Variants in GOLPH3 observed in about 807,000 individuals in gnomAD.
GOLPH3 encodes golgi phosphoprotein 3.
Under a neutral mutation model 28.5 loss-of-function variants are expected in GOLPH3, and 14 were observed. The ratio of observed to expected loss-of-function variants is 0.49; its 90% CI spans 0.32 to 0.77. The LOEUF is 0.77. Among genes scored for constraint, GOLPH3 ranks in the 30% least tolerant of loss-of-function variants. The pLI is 0.03. For synonymous variants in GOLPH3, 158 were observed against 159.2 expected, an observed-to-expected ratio of 0.99 and a Z score of 0.06; for missense variants, 350 against 393.7, an observed-to-expected ratio of 0.89 and a Z score of 0.94.
intron 2 of GOLPH3, among the ~76,000 whole-genome samples, chr5:32,141,740 T>G (rs969918372): frequency 2.6e-5 from 4 of 152,194 alleles, no homozygotes; most frequent in Non-Finnish European, 2.9e-5. Context: ...TGCCTGCGAT[T>G]GCAGGCGCGC....
intron 1 of GOLPH3, among the ~76,000 whole-genome samples, chr5:32,160,116 T>C (rs2111884939): frequency 6.6e-6 from 1 of 152,308 alleles, no homozygotes; most frequent in East Asian, 1.9e-4. Context: ...GGAGGATCAC[T>C]TGAGCCCAGG....
At chr5:32,152,367 C>T (rs573692636) in intron 1 of GOLPH3, among the ~76,000 whole-genome samples, 10 of 149,888 alleles carry the variant, frequency 6.7e-5, no homozygotes, top group Non-Finnish European at 1.0e-4. Flanking sequence ...CCGCGTGATC[C>T]GCCCACCTCA....
In GOLPH3 at chr5:32,143,853, TAC is replaced by T. The variant is rs770309875; in HGVS notation, c.251_252del (p.Cys84TyrfsTer12). The T allele has an allele frequency of 3.8e-6, 6 of 1,581,708 alleles. No individual in the cohort carries two copies. The highest frequency in any genetic ancestry group is 5.1e-6 in the Non-Finnish European group (6 of 1,166,894). On this transcript the variant is annotated frameshift_variant, in exon 2 of 4. Transcript: ENST00000265070. LOFTEE classifies it high-confidence loss of function. ...REGYTSFWND[C>X]ISSGLRGCML... is the part of the protein sequence containing the mutation. ...ATACAGCCACGTAATCCAGATGATATACAGTCATTCCAAAATGATGTGTAACC... is the reference window on the plus strand; with the variant it reads ...ATACAGCCACGTAATCCAGATGATATAGTCATTCCAAAATGATGTGTAACC...
intron 1 of GOLPH3, among the ~76,000 whole-genome samples, chr5:32,172,744 T>A (rs571249856): frequency 3.3e-5 from 5 of 149,724 alleles, no homozygotes; most frequent in Non-Finnish European, 7.4e-5. Context: ...TGGTGGCGCA[T>A]GCCTGCCTCA....
At chr5:32,151,609 TGTCA>T (rs1581548909) in intron 1 of GOLPH3, among the ~76,000 whole-genome samples, 1 of 152,202 alleles carries the variant, frequency 6.6e-6, no homozygotes, top group Non-Finnish European at 1.5e-5. Flanking sequence ...AAAGATGCTT[TGTCA>T]TTCATAATAA....
At chr5:32,143,080 G>A (rs1203659128) in intron 2 of GOLPH3, among the ~76,000 whole-genome samples, 1 of 152,144 alleles carries the variant, frequency 6.6e-6, no homozygotes, top group East Asian at 1.9e-4. Flanking sequence ...GTAGACATGG[G>A]AGACTTTTCA....
intron 1 of GOLPH3, among the ~76,000 whole-genome samples, chr5:32,162,308 C>G (rs1305750188): frequency 6.7e-6 from 1 of 150,048 alleles, no homozygotes; most frequent in African/African-American, 2.5e-5. Context: ...CTGGCTAACA[C>G]GATGAAACCC....
At chr5:32,146,599 ACC>A (rs1489002290) in intron 1 of GOLPH3, among the ~76,000 whole-genome samples, 1 of 152,236 alleles carries the variant, frequency 6.6e-6, no homozygotes, top group Non-Finnish European at 1.5e-5. Flanking sequence ...CTGCCTACTT[ACC>A]CAGAAGCTTT....
chr5:32,128,996 A>C (rs1745761919), intron 3 of GOLPH3, among the ~76,000 whole-genome samples: 1 of 152,150 alleles, frequency 6.6e-6, no homozygotes, highest in Non-Finnish European at 1.5e-5. Context: ...TGGGAAGCCA[A>C]GATGGTGAAA....
chr5:32,165,897 A>G (rs975900387), intron 1 of GOLPH3, among the ~76,000 whole-genome samples: 6 of 152,254 alleles, frequency 3.9e-5, no homozygotes, highest in Non-Finnish European at 8.8e-5. Context: ...CAAATCACTT[A>G]AAATTCAACT....
intron 1 of GOLPH3, among the ~76,000 whole-genome samples, chr5:32,152,471 C>G (rs1453237478): frequency 7.0e-6 from 1 of 142,796 alleles, no homozygotes; most frequent in Admixed American, 7.1e-5. Flanking sequence ...ATCATGCTTA[C>G]CTATCAGACC....
At chr5:32,153,907 G>C (rs1335507201) in intron 1 of GOLPH3, among the ~76,000 whole-genome samples, 1 of 152,168 alleles carries the variant, frequency 6.6e-6, no homozygotes, top group Non-Finnish European at 1.5e-5. Context: ...ATGGAAAACA[G>C]GATTCCTTGA....
Position 32,166,796 on chromosome 5 carries a change from A to G in GOLPH3, c.225+7014T>C, listed in dbSNP as rs1006429715. 7.3e-5 allele frequency among the ~76,000 whole-genome samples: 11 copies of G among 151,322 alleles called. 1 individual carries two copies. The highest frequency in any genetic ancestry group is 6.6e-4 in the Admixed American group (10 of 15,174). On this transcript the variant is annotated intron_variant, in intron 1 of 3. Coordinates refer to ENST00000265070, the MANE Select transcript of GOLPH3 (RefSeq NM_022130.4). ...CACTTCAGCCCGAGTGATAAAAGCA[A>G]GACTCCATCTTAAAAAAAAAAAAAA...
intron 3 of GOLPH3, among the ~76,000 whole-genome samples, 197 bp downstream of exon 3, chr5:32,135,375 A>AT (rs1561659952): frequency 6.6e-6 from 1 of 152,242 alleles, no homozygotes; most frequent in Admixed American, 6.5e-5. Flanking sequence ...TTCGCATTCT[A>AT]TATCTGTTCA....
At chr5:32,150,912 C>T (rs891927555) in intron 1 of GOLPH3, among the ~76,000 whole-genome samples, 1 of 152,154 alleles carries the variant, frequency 6.6e-6, no homozygotes, top group Non-Finnish European at 1.5e-5. Context: ...CGTGTTGGGA[C>T]AACCAGATAG....
At chr5:32,172,922 A>C (rs965328303) in intron 1 of GOLPH3, among the ~76,000 whole-genome samples, 1 of 152,218 alleles carries the variant, frequency 6.6e-6, no homozygotes, top group Non-Finnish European at 1.5e-5. Flanking sequence ...ACGTCATAGA[A>C]TCTAGAAAGA....
At chr5:32,155,582 A>C (rs1011179172) in intron 1 of GOLPH3, among the ~76,000 whole-genome samples, 4 of 152,336 alleles carry the variant, frequency 2.6e-5, no homozygotes, top group African/African-American at 7.2e-5. Flanking sequence ...ATGACTAAAG[A>C]AAGCCCTCAG....
chr5:32,146,333 T>C (rs1746179361), intron 1 of GOLPH3, among the ~76,000 whole-genome samples: 1 of 151,374 alleles, frequency 6.6e-6, no homozygotes, highest in African/African-American at 2.4e-5. Flanking sequence ...GGTTAGTAAC[T>C]GGCAGCATCA....
intron 1 of GOLPH3, among the ~76,000 whole-genome samples, chr5:32,165,866 A>C (rs1746699079): frequency 6.6e-6 from 1 of 152,272 alleles, no homozygotes; most frequent in East Asian, 1.9e-4. Context: ...GACAGGCCAC[A>C]GAAATGTGGA....
Sources: gnomAD v4.1 joint callset for allele counts (sites outside exome capture counted in the v4.1 genomes callset) on GRCh38, gnomAD v4.1.1 for gene constraint, MANE v1.5 for transcripts, NCBI Gene and HGNC (gene_info 2026-07-23, HGNC 2026-07-21) for gene names.